NOTCH2NLA: variants seen among roughly 807,000 people sequenced by gnomAD.
The protein encoded by NOTCH2NLA is notch 2 N-terminal like A, also known as notch homolog 2 N-terminal-like protein A.
At chr1:146,159,447 G>A (rs1274019677) in intron 3 of NOTCH2NLA, among the ~76,000 whole-genome samples, 8 of 135,896 alleles carry the variant, frequency 5.9e-5, no homozygotes, top group South Asian at 2.5e-4. Flanking sequence ...AAGAAAGAAA[G>A]AGAAAGAAAG....
At chr1:146,185,325 C>T (rs1339166051) in intron 2 of NOTCH2NLA, among the ~76,000 whole-genome samples, 1 of 135,488 alleles carries the variant, frequency 7.4e-6, no homozygotes, top group Non-Finnish European at 1.7e-5. Context: ...TTAATGACAT[C>T]AAATTTAATT....
At chr1:146,157,784 C>A (rs1259912206) in intron 3 of NOTCH2NLA, among the ~76,000 whole-genome samples, 4 of 86,972 alleles carry the variant, frequency 4.6e-5, no homozygotes, top group Non-Finnish European at 9.5e-5. Flanking sequence ...CTAAATGTAA[C>A]ACACACATAT....
chr1:146,186,543 A>G, intron 2 of NOTCH2NLA, among the ~76,000 whole-genome samples: 1 of 137,618 alleles, frequency 7.3e-6, no homozygotes, highest in Non-Finnish European at 1.6e-5. Flanking sequence ...TTTAGTAGAG[A>G]TGGGATTTCA....
intron 3 of NOTCH2NLA, among the ~76,000 whole-genome samples, chr1:146,159,966 C>CAAAAAAAA (rs782308523): frequency 0.023 from 173 of 7,442 alleles, 29 homozygotes; most frequent in Non-Finnish European, 0.05. Flanking sequence ...TACTCCATCT[C>CAAAAAAAA]AAAAAAAAAA....
At chr1:146,159,393 G>GAA (rs1341934537) in intron 3 of NOTCH2NLA, among the ~76,000 whole-genome samples, 6 of 111,154 alleles carry the variant, frequency 5.4e-5, no homozygotes, top group African/African-American at 2.1e-4. Context: ...GAGAAAGAGA[G>GAA]AGAAAGAAAG....
At chr1:146,158,230 T>G (rs1320733663) in intron 3 of NOTCH2NLA, among the ~76,000 whole-genome samples, 1 of 150,276 alleles carries the variant, frequency 6.7e-6, no homozygotes, top group East Asian at 2.0e-4. Flanking sequence ...GTTTGTTACA[T>G]ATGTATATAT....
Position 146,198,912 on chromosome 1 carries a change from C to G in NOTCH2NLA, c.-44-9531G>C, listed in dbSNP as rs1463680399. Reference sequence around the variant, plus strand: ...GTTCACGCCATTCTCCTGCCTCAGCCTCCCAAGTAGCTGGGACTATAGGTG... The same window carrying G: ...GTTCACGCCATTCTCCTGCCTCAGCGTCCCAAGTAGCTGGGACTATAGGTG... On this transcript the variant is annotated intron_variant, in intron 1 of 4. Transcript: ENST00000362074. Among the ~76,000 whole-genome samples the G allele has an allele frequency of 3.2e-4, 8 of 24,882 alleles. 4 individuals carry two copies. The highest frequency in any genetic ancestry group is 6.5e-4 in the Non-Finnish European group (8 of 12,294). 16.3% of individuals were successfully genotyped at this position (24,882 alleles called of 152,430 possible).
chr1:146,174,114 A>ATCTATCTGG lies in NOTCH2NLA; in HGVS notation c.39-9113_39-9105dup, dbSNP rs1352555862. Among the ~76,000 whole-genome samples the ATCTATCTGG allele has an allele frequency of 7.0e-5, 10 of 142,272 alleles. No individual in the cohort carries two copies. In the East Asian group the frequency reaches 1.9e-3, roughly 28 times the overall value. The allele number at this position is 142,272 out of a possible 152,430, so 93.3% of individuals were successfully genotyped here. ...AGCTGGGATCTGAATAGCAATTCCAATCTATCTGGCAATGGCTGCAGTTCA... is the reference window on the plus strand; with the variant it reads ...AGCTGGGATCTGAATAGCAATTCCAATCTATCTGGTCTATCTGGCAATGGCTGCAGTTCA... On this transcript the variant is annotated intron_variant, in intron 2 of 4. Coordinates refer to ENST00000362074, the Ensembl canonical transcript of NOTCH2NLA.
intron 1 of NOTCH2NLA, among the ~76,000 whole-genome samples, chr1:146,219,802 A>C (rs1205962935): frequency 1.2e-5 from 1 of 85,898 alleles, no homozygotes; most frequent in Non-Finnish European, 2.2e-5. Context: ...AACTAAAAAA[A>C]AAAAATATAT....
chr1:146,187,937 A>G (rs1246099529), intron 2 of NOTCH2NLA, among the ~76,000 whole-genome samples: 1 of 135,976 alleles, frequency 7.4e-6, no homozygotes, highest in Non-Finnish European at 1.7e-5. Flanking sequence ...TCCAATCCAA[A>G]CAACCTATTG....
chr1:146,223,876 G>A (rs1664131581), intron 1 of NOTCH2NLA, among the ~76,000 whole-genome samples: 1 of 105,790 alleles, frequency 9.5e-6, no homozygotes, highest in East Asian at 2.7e-4. Flanking sequence ...TGGGAAAGCA[G>A]GAGTCACAGA....
At chr1:146,228,497 C>T (rs1664320741) in intron 1 of NOTCH2NLA, 1 of 921,914 alleles carries the variant, frequency 1.1e-6, no homozygotes, top group African/African-American at 1.9e-5. Flanking sequence ...GCGGGGAACC[C>T]CGGCGGTTGG....
chr1:146,211,902 CA>C (rs1663828036), intron 1 of NOTCH2NLA, among the ~76,000 whole-genome samples: 1 of 45,784 alleles, frequency 2.2e-5, no homozygotes, highest in African/African-American at 6.3e-5. Context: ...ACAATGTAAG[CA>C]CAGAATAGCT....
chr1:146,175,360 C>G (rs1170118481), intron 2 of NOTCH2NLA, among the ~76,000 whole-genome samples: 1 of 131,884 alleles, frequency 7.6e-6, no homozygotes, highest in African/African-American at 2.7e-5. Context: ...TCTCAACCCC[C>G]CCTTCTCTCA....
At chr1:146,185,309 A>G (rs1662707169) in intron 2 of NOTCH2NLA, among the ~76,000 whole-genome samples, 1 of 136,332 alleles carries the variant, frequency 7.3e-6, no homozygotes, top group Non-Finnish European at 1.7e-5. Context: ...AACAACTTGA[A>G]AGTGATTAAT....
Position 146,200,438 on chromosome 1 carries a change from A to AT in NOTCH2NLA, c.-44-11058_-44-11057insA, listed in dbSNP as rs1553813675. On this transcript the variant is annotated intron_variant, in intron 1 of 4. Coordinates refer to ENST00000362074, the Ensembl canonical transcript of NOTCH2NLA. The stretch of plus-strand genomic sequence containing the variant: ...ACTCTGCCTGAGAAAAAAAAAAAAA[A>AT]ATATATATATATATATATATTCCTG... 1.4e-3 allele frequency among the ~76,000 whole-genome samples: 27 copies of AT among 19,846 alleles called. 6 individuals carry two copies. The highest frequency in any genetic ancestry group is 4.1e-3 in the South Asian group (3 of 726). 13.0% of individuals were successfully genotyped at this position (19,846 alleles called of 152,430 possible).
At chr1:146,170,442 AT>A in intron 2 of NOTCH2NLA, among the ~76,000 whole-genome samples, 1 of 115,906 alleles carries the variant, frequency 8.6e-6, no homozygotes, top group East Asian at 2.2e-4. Context: ...AAGGCCACAT[AT>A]TATATAATTC....
At chr1:146,210,601 C>T (rs1447082014) in intron 1 of NOTCH2NLA, among the ~76,000 whole-genome samples, 1 of 102,088 alleles carries the variant, frequency 9.8e-6, no homozygotes, top group Non-Finnish European at 1.9e-5. Context: ...TTCCTCCTCC[C>T]AACACACACA....
At chr1:146,228,152 C>T (rs1664293321) in intron 1 of NOTCH2NLA, among the ~76,000 whole-genome samples, 2 of 137,586 alleles carry the variant, frequency 1.5e-5, no homozygotes, top group Admixed American at 1.4e-4. Context: ...AACTCAGGCG[C>T]GCCGCAAAAC....
Sources: gnomAD v4.1 joint callset for allele counts (sites outside exome capture counted in the v4.1 genomes callset) on GRCh38, gnomAD v4.1.1 for gene constraint, MANE v1.5 for transcripts, NCBI Gene and HGNC (gene_info 2026-07-23, HGNC 2026-07-21) for gene names.